Variants in HLCS observed in about 807,000 individuals in gnomAD.
HLCS encodes biotin--protein ligase.
A neutral mutation model predicts 75.0 loss-of-function variants in HLCS; 53 were observed. The observed-to-expected ratio is 0.71, with a 90% CI of 0.57 to 0.89. The LOEUF is 0.89. Ranked by LOEUF, HLCS falls within the 40% of genes least tolerant of loss-of-function variation. The pLI is 0.00. For missense variants in HLCS, 966 were observed against 1,074.0 expected, an observed-to-expected ratio of 0.90 and a Z score of 1.41; for synonymous variants, 431 against 428.6, an observed-to-expected ratio of 1.01 and a Z score of -0.07.
chr21:36,780,306 G>A (rs34525201), intron 6 of HLCS, among the ~76,000 whole-genome samples: 41 of 152,070 alleles, frequency 2.7e-4, no homozygotes, highest in Non-Finnish European at 5.0e-4. Flanking sequence ...GCAGTGGCGC[G>A]ATCCCAGGTT....
chr21:36,953,254 G>GCCAA (rs1405488669), intron 2 of HLCS, among the ~76,000 whole-genome samples: 1 of 152,122 alleles, frequency 6.6e-6, no homozygotes, highest in African/African-American at 2.4e-5. Flanking sequence ...GAGCCACCAT[G>GCCAA]CCAAGATGGA....
intron 5 of HLCS, among the ~76,000 whole-genome samples, chr21:36,917,698 A>G (rs1006400596): frequency 8.5e-5 from 13 of 152,282 alleles, no homozygotes; most frequent in African/African-American, 3.1e-4. Context: ...TTGTAGAAAA[A>G]GTAAACTTGC....
Position 36,937,325 on chromosome 21 carries a change from G to T in HLCS, c.561C>A (p.Ile187=). 6.2e-7 allele frequency: 1 copy of T among 1,614,110 alleles called. No individual in the cohort carries two copies. Among genetic ancestry groups the T allele is most frequent in the Non-Finnish European group, 8.5e-7 (1 of 1,180,028 alleles). The change falls in exon 4 of 11, where the codon ATC becomes ATA. Residue 187 remains isoleucine (I), a synonymous_variant. Transcript: ENST00000674895. ...GAGAAGGTTCAGGCTTCGGCTCTAGGATCTGGGCTTGCTTGTTTGAGACCT... is the reference window on the plus strand; with the variant it reads ...GAGAAGGTTCAGGCTTCGGCTCTAGTATCTGGGCTTGCTTGTTTGAGACCT... ...KDQVSNKQAQ[I]LEPKPEPSLE... is the part of the protein sequence containing the mutation.
rs1371233662 is a variant in HLCS at position 36,765,100 on chromosome 21, C to T, written c.2033G>A (p.Arg678Lys). ...LSTLLISIPL[R>K]SQLGQRIPFV... ...CGGGATCCTCTGTCCCAGCTGGGAT[C>T]TCAGTGGAATGGAGATGAGCAGAGT... The change falls in exon 8 of 11, where the codon AGA becomes AAA. Residue 678 changes from arginine (R) to lysine (K), a missense_variant. Arg to Lys is a conservative substitution (Grantham distance 26). Coordinates refer to ENST00000674895, the MANE Select transcript of HLCS (RefSeq NM_001352514.2). The T allele has an allele frequency of 6.2e-7, 1 of 1,614,176 alleles. No individual in the cohort carries two copies. Among genetic ancestry groups the T allele is most frequent in the Admixed American group, 1.7e-5 (1 of 60,028 alleles).
chr21:36,914,184 A>G (rs1241789272), intron 5 of HLCS, among the ~76,000 whole-genome samples: 1 of 152,234 alleles, frequency 6.6e-6, no homozygotes, highest in Non-Finnish European at 1.5e-5. Flanking sequence ...TGAACGGTCC[A>G]GGGGCCAGCA....
At chr21:36,760,819 G>A (rs910027458) in intron 8 of HLCS, among the ~76,000 whole-genome samples, 2 of 152,130 alleles carry the variant, frequency 1.3e-5, no homozygotes, top group Admixed American at 6.5e-5. Flanking sequence ...ACAGTGTCTC[G>A]AACAAGGCCA....
chr21:36,851,714 G>A (rs2063013517), intron 6 of HLCS, among the ~76,000 whole-genome samples: 1 of 152,152 alleles, frequency 6.6e-6, no homozygotes, highest in African/African-American at 2.4e-5. Context: ...AATGCTTGAG[G>A]TGATGGACAC....
At chr21:36,838,330 C>CACACACACACACACACA (rs1480562550) in intron 6 of HLCS, among the ~76,000 whole-genome samples, 2 of 138,472 alleles carry the variant, frequency 1.4e-5, no homozygotes, top group African/African-American at 5.2e-5. Context: ...ACACACACAC[C>CACACACACACACACACA]CCCACAACCA....
chr21:36,908,736 C>A (rs1242034235), intron 5 of HLCS, among the ~76,000 whole-genome samples: 2 of 152,084 alleles, frequency 1.3e-5, no homozygotes, highest in Admixed American at 6.6e-5. Context: ...AAGGACAAGT[C>A]TCAAAAACAT....
chr21:36,816,493 C>T (rs1287701016), intron 6 of HLCS, among the ~76,000 whole-genome samples: 1 of 152,130 alleles, frequency 6.6e-6, no homozygotes, highest in Non-Finnish European at 1.5e-5. Flanking sequence ...GTAACGTTGC[C>T]TGTTAATACC....
chr21:36,772,654 A>C (rs1333983007), intron 6 of HLCS, among the ~76,000 whole-genome samples: 4 of 151,304 alleles, frequency 2.6e-5, no homozygotes, highest in Admixed American at 2.6e-4. Context: ...AAAAAAAAAA[A>C]AAAAAGAAGG....
At chr21:36,945,984 G>A (rs760689041) in intron 2 of HLCS, 296 of 288,538 alleles carry the variant, frequency 1.0e-3, no homozygotes, top group Non-Finnish European at 1.4e-3. Context: ...TGTCCTGTCT[G>A]TAAGGTAGAG....
chr21:36,935,409 C>G (rs1321018915), intron 4 of HLCS, among the ~76,000 whole-genome samples: 2 of 151,886 alleles, frequency 1.3e-5, no homozygotes, highest in East Asian at 3.9e-4. Flanking sequence ...AATATATACT[C>G]TGGAAAAAAA....
At chr21:36,843,256 T>C (rs1202267362) in intron 6 of HLCS, among the ~76,000 whole-genome samples, 3 of 151,696 alleles carry the variant, frequency 2.0e-5, no homozygotes, top group African/African-American at 7.3e-5. Context: ...CTGGGAAACA[T>C]GGCAAGACCC....
intron 9 of HLCS, among the ~76,000 whole-genome samples, chr21:36,758,553 G>A (rs1050384852): frequency 1.6e-4 from 25 of 152,260 alleles, no homozygotes; most frequent in African/African-American, 5.1e-4. Flanking sequence ...CTGGGATTAT[G>A]AGCTCAAGCC....
chr21:36,865,963 A>G (rs2063539820), intron 6 of HLCS, among the ~76,000 whole-genome samples: 1 of 152,254 alleles, frequency 6.6e-6, no homozygotes, highest in Non-Finnish European at 1.5e-5. Context: ...ATTTCCAGTC[A>G]TGAAAGTCTA....
At chr21:36,793,781 C>T (rs1184387477) in intron 6 of HLCS, among the ~76,000 whole-genome samples, 4 of 152,168 alleles carry the variant, frequency 2.6e-5, no homozygotes, top group Non-Finnish European at 4.4e-5. Flanking sequence ...AAATTTAGTG[C>T]TAGTCAGAAG....
At position 36,817,220 on chromosome 21, in the gene HLCS, G is replaced by A. The variant is rs1334517644; in HGVS notation, c.1893-49935C>T. Among the ~76,000 whole-genome samples, 6 of 152,076 alleles carry A rather than the reference G, an allele frequency of 3.9e-5. No homozygotes were observed. In the South Asian group the frequency reaches 6.2e-4, roughly 16 times the overall value. The stretch of plus-strand genomic sequence containing the variant: ...AATATAAAGGTAGATTATAAACATC[G>A]GTATTTTTTCTTTTTACTCGCACTT... On this transcript the variant is annotated intron_variant, in intron 6 of 10. Coordinates refer to ENST00000674895, the MANE Select transcript of HLCS (RefSeq NM_001352514.2).
chr21:36,812,784 C>T (rs1230618876), intron 6 of HLCS, among the ~76,000 whole-genome samples: 2 of 152,144 alleles, frequency 1.3e-5, no homozygotes, highest in South Asian at 2.1e-4. Flanking sequence ...TCAGGGCTGG[C>T]GCGGTGGCTC....
Sources: gnomAD v4.1 joint callset for allele counts (sites outside exome capture counted in the v4.1 genomes callset) on GRCh38, gnomAD v4.1.1 for gene constraint, MANE v1.5 for transcripts, NCBI Gene and HGNC (gene_info 2026-07-23, HGNC 2026-07-21) for gene names.